Variants in PTPRM observed in about 807,000 individuals in gnomAD.
PTPRM encodes protein tyrosine phosphatase receptor type M, also known as receptor-type tyrosine-protein phosphatase mu.
A neutral mutation model predicts 186.7 loss-of-function variants in PTPRM; 47 were observed. That is an observed-to-expected ratio of 0.25 (90% CI 0.20 to 0.32). PTPRM has a LOEUF of 0.32. Ranked by LOEUF, PTPRM falls within the 10% of genes least tolerant of loss-of-function variation. The pLI is 1.00. For synonymous variants in PTPRM, 668 were observed against 674.9 expected, an observed-to-expected ratio of 0.99 and a Z score of 0.16; for missense variants, 1,494 against 1,865.0, an observed-to-expected ratio of 0.80 and a Z score of 3.66.
intron 7 of PTPRM, among the ~76,000 whole-genome samples, chr18:7,999,821 A>C (rs2147752914): frequency 6.6e-6 from 1 of 152,176 alleles, no homozygotes; most frequent in African/African-American, 2.4e-5. Context: ...ACACACACAA[A>C]GATTTATTAT....
intron 19 of PTPRM, among the ~76,000 whole-genome samples, chr18:8,263,115 C>CT (rs940432535): frequency 2.0e-5 from 3 of 149,608 alleles, no homozygotes; most frequent in Admixed American, 6.7e-5. Context: ...TGAGGATAGA[C>CT]TTTTTTTTTT....
chr18:8,119,046 TAAAC>T (rs2092074006), intron 13 of PTPRM, among the ~76,000 whole-genome samples: 1 of 151,924 alleles, frequency 6.6e-6, no homozygotes. Flanking sequence ...CTGTAAGCCT[TAAAC>T]AAAAAGAAAA....
intron 11 of PTPRM, among the ~76,000 whole-genome samples, chr18:8,095,038 G>A (rs137909194): frequency 9.1e-4 from 138 of 152,172 alleles, no homozygotes; most frequent in Admixed American, 1.4e-3. Flanking sequence ...TGCTAGGATT[G>A]GATTTGTTAA....
intron 1 of PTPRM, among the ~76,000 whole-genome samples, chr18:7,703,428 G>T (rs1289739479): frequency 6.6e-6 from 1 of 152,074 alleles, no homozygotes; most frequent in Non-Finnish European, 1.5e-5. Context: ...AATTCTCTTT[G>T]TAGCAATTGT....
intron 11 of PTPRM, among the ~76,000 whole-genome samples, chr18:8,102,848 C>A (rs1160943761): frequency 1.3e-5 from 2 of 152,190 alleles, no homozygotes. Flanking sequence ...GCTATAGCAT[C>A]ACAAAATCTA....
intron 17 of PTPRM, among the ~76,000 whole-genome samples, chr18:8,252,235 A>G (rs947307631): frequency 2.0e-5 from 3 of 152,254 alleles, no homozygotes; most frequent in Non-Finnish European, 4.4e-5. Flanking sequence ...TACTTGGTTC[A>G]TGGGGGATGA....
At chr18:7,950,575 T>C (rs755783874) in intron 6 of PTPRM, among the ~76,000 whole-genome samples, 1 of 152,116 alleles carries the variant, frequency 6.6e-6, no homozygotes, top group African/African-American at 2.4e-5. Flanking sequence ...GTGTGTAAGG[T>C]AGATATCAGA....
intron 1 of PTPRM, among the ~76,000 whole-genome samples, chr18:7,612,447 A>G (rs561528295): frequency 6.6e-6 from 1 of 152,228 alleles, no homozygotes; most frequent in African/African-American, 2.4e-5. Context: ...GATTTATCGC[A>G]CTTTCTATGA....
At chr18:8,320,718 C>G (rs2095340393) in intron 22 of PTPRM, among the ~76,000 whole-genome samples, 1 of 152,154 alleles carries the variant, frequency 6.6e-6, no homozygotes. Flanking sequence ...TGGGTGACAC[C>G]ACACAGAGTC....
In PTPRM at chr18:8,122,917, A is replaced by G. The variant is rs143252073; in HGVS notation, c.2167+8090A>G. 1.6e-3 allele frequency among the ~76,000 whole-genome samples: 251 copies of G among 152,356 alleles called. 2 individuals are homozygous for G. The highest frequency in any genetic ancestry group is 5.8e-3 in the African/African-American group (242 of 41,586). On this transcript the variant is annotated intron_variant, in intron 13 of 32. Coordinates refer to ENST00000580170, the MANE Select transcript of PTPRM (RefSeq NM_001105244.2). ...AGCATAGTGTTTATATAAATCATGCAGTGGCATATCTGCAAGTCAAATGCT... is the reference window on the plus strand; with the variant it reads ...AGCATAGTGTTTATATAAATCATGCGGTGGCATATCTGCAAGTCAAATGCT...
chr18:7,789,186 A>G (rs1483726322), intron 2 of PTPRM, among the ~76,000 whole-genome samples: 2 of 152,090 alleles, frequency 1.3e-5, no homozygotes, highest in Non-Finnish European at 2.9e-5. Context: ...TTAGTCAGGC[A>G]TGTTGGCACA....
In PTPRM at chr18:7,834,491, T is replaced by TACACAC. The variant is rs36162599; in HGVS notation, c.197-53582_197-53577dup. 3.5e-3 allele frequency among the ~76,000 whole-genome samples: 295 copies of TACACAC among 84,560 alleles called. 2 individuals carry two copies. Among genetic ancestry groups the TACACAC allele is most frequent in the African/African-American group, 6.9e-3 (142 of 20,720 alleles). The allele number at this position is 84,560 out of a possible 152,430, so 55.5% of individuals were successfully genotyped here. ...TAAAATACAGGCCAATATACAAGTA[T>TACACAC]ACACACACACACACACACACACACA... On this transcript the variant is annotated intron_variant, in intron 2 of 32. Transcript: ENST00000580170.
chr18:7,861,271 C>T (rs2047366546), intron 2 of PTPRM, among the ~76,000 whole-genome samples: 1 of 151,862 alleles, frequency 6.6e-6, no homozygotes, highest in African/African-American at 2.4e-5. Context: ...TCTGTAAATC[C>T]CCTAAAAAAA....
intron 1 of PTPRM, among the ~76,000 whole-genome samples, chr18:7,730,243 G>A (rs980999974): frequency 3.9e-5 from 6 of 152,140 alleles, no homozygotes; most frequent in Admixed American, 3.3e-4. Context: ...GCTATGTCAT[G>A]TTCACTTTTT....
Position 8,156,020 on chromosome 18 carries a change from T to C in PTPRM, c.2300+12241T>C, listed in dbSNP as rs1441574698. Among the ~76,000 whole-genome samples the C allele has an allele frequency of 2.0e-5, 3 of 152,312 alleles. No homozygotes were observed. In the South Asian group the frequency reaches 6.2e-4, roughly 32 times the overall value. On this transcript the variant is annotated intron_variant, in intron 14 of 32. Coordinates refer to ENST00000580170, the MANE Select transcript of PTPRM (RefSeq NM_001105244.2). The stretch of plus-strand genomic sequence containing the variant: ...TTGCCTAGCACATACTTTGGCATGC[T>C]TGGAACAGGCCATATGTGCACACAA...
At chr18:7,813,625 C>A (rs149881736) in intron 2 of PTPRM, among the ~76,000 whole-genome samples, 1 of 151,970 alleles carries the variant, frequency 6.6e-6, no homozygotes, top group East Asian at 1.9e-4. Context: ...CTTTTCTTCT[C>A]TTATCTCTTT....
intron 31 of PTPRM, among the ~76,000 whole-genome samples, chr18:8,392,175 A>G (rs941955270): frequency 1.3e-5 from 2 of 152,094 alleles, no homozygotes; most frequent in Non-Finnish European, 2.9e-5. Context: ...TTTAAAAAGC[A>G]TCTGTAAGAA....
At chr18:7,988,932 A>G (rs1199065319) in intron 7 of PTPRM, among the ~76,000 whole-genome samples, 1 of 152,196 alleles carries the variant, frequency 6.6e-6, no homozygotes, top group East Asian at 1.9e-4. Flanking sequence ...TTTAGGCCCC[A>G]GAAAATGTCA....
At chr18:7,805,697 T>C (rs890378989) in intron 2 of PTPRM, among the ~76,000 whole-genome samples, 1 of 152,202 alleles carries the variant, frequency 6.6e-6, no homozygotes, top group Non-Finnish European at 1.5e-5. Flanking sequence ...GTTTATACTT[T>C]CCTGTACGAA....
Sources: gnomAD v4.1 joint callset for allele counts (sites outside exome capture counted in the v4.1 genomes callset) on GRCh38, gnomAD v4.1.1 for gene constraint, MANE v1.5 for transcripts, NCBI Gene and HGNC (gene_info 2026-07-23, HGNC 2026-07-21) for gene names.